The following TP63 variants were observed in gnomAD, a reference collection of about 807,000 sequenced individuals.
The protein encoded by TP63 is tumor protein 63.
Under a neutral mutation model 82.8 loss-of-function variants are expected in TP63, and 17 were observed. The observed-to-expected ratio is 0.21, with a 90% CI of 0.14 to 0.31. The LOEUF (loss-of-function observed/expected upper bound fraction) is 0.31. TP63 is among the 10% of genes least tolerant of loss of function. The probability of loss-of-function intolerance (pLI) is 1.00; values close to 1 mark genes in which losing one functional copy is unlikely to be tolerated. For missense variants in TP63, 648 were observed against 895.3 expected (o/e 0.72, Z 3.52); for synonymous variants, 330 against 321.7 (o/e 1.03, Z -0.28).
chr3:189,848,381 C>CT (rs11333114), intron 4 of TP63, among the ~76,000 whole-genome samples: 81 of 143,968 alleles, frequency 5.6e-4, no homozygotes, highest in Middle Eastern at 3.6e-3. Context: ...CCATACCTGG[C>CT]TTTTTTTTTT....
chr3:189,695,665 T>A (rs1288161504), intron 1 of TP63, among the ~76,000 whole-genome samples: 2 of 152,220 alleles, frequency 1.3e-5, no homozygotes, highest in African/African-American at 4.8e-5. Flanking sequence ...TTTCTCCAAC[T>A]TTTATTCAAC....
At chr3:189,700,518 T>C (rs1717724174) in intron 1 of TP63, among the ~76,000 whole-genome samples, 1 of 152,172 alleles carries the variant, frequency 6.6e-6, no homozygotes, top group Non-Finnish European at 1.5e-5. Context: ...TACATGGTAA[T>C]TTCCTAGTTG....
intron 3 of TP63, among the ~76,000 whole-genome samples, chr3:189,765,313 TC>T (rs1722857123): frequency 6.6e-6 from 1 of 151,702 alleles, no homozygotes; most frequent in Non-Finnish European, 1.5e-5. Context: ...ATTGTTTTTT[TC>T]CCCCCTGAGA....
intron 9 of TP63, 67 bp from the exon 10 acceptor site, chr3:189,872,792 T>C: frequency 1.2e-6 from 2 of 1,608,078 alleles, no homozygotes; most frequent in East Asian, 4.5e-5. Flanking sequence ...ATAATGAGGA[T>C]TGACCACACT....
At chr3:189,680,644 A>T (rs1322310672) in intron 1 of TP63, among the ~76,000 whole-genome samples, 2 of 152,214 alleles carry the variant, frequency 1.3e-5, no homozygotes, top group Non-Finnish European at 2.9e-5. Context: ...GCAAATCAAT[A>T]TATGTGACAT....
intron 1 of TP63, among the ~76,000 whole-genome samples, chr3:189,687,270 T>A (rs1475041834): frequency 6.6e-6 from 1 of 152,198 alleles, no homozygotes. Flanking sequence ...TACATAGTTT[T>A]GCTATTTTCT....
intron 1 of TP63, among the ~76,000 whole-genome samples, chr3:189,718,274 A>T (rs982835919): frequency 6.7e-6 from 1 of 149,434 alleles, no homozygotes; most frequent in African/African-American, 2.5e-5. Flanking sequence ...CTGATGTATT[A>T]GTTTGTTTTC....
chr3:189,609,204 A>G, the TP63 span, among the ~76,000 whole-genome samples: 4 of 152,138 alleles, frequency 2.6e-5, no homozygotes, highest in Non-Finnish European at 5.9e-5. Context: ...CTTTCCATGT[A>G]TGGGTGATGG....
intron 10 of TP63, chr3:189,880,639 G>A (rs1287347232): frequency 1.0e-6 from 1 of 985,520 alleles, no homozygotes; most frequent in East Asian, 1.1e-4. Context: ...GCATAAGTAA[G>A]TTGTAGGTGA....
intron 1 of TP63, among the ~76,000 whole-genome samples, chr3:189,714,598 A>G (rs1375082455): frequency 6.6e-6 from 1 of 152,134 alleles, no homozygotes; most frequent in Non-Finnish European, 1.5e-5. Context: ...TCAAGACTGT[A>G]TCTCTCACTG....
At chr3:189,664,405 G>A (rs1035572840) in intron 1 of TP63, among the ~76,000 whole-genome samples, 1 of 152,062 alleles carries the variant, frequency 6.6e-6, no homozygotes, top group African/African-American at 2.4e-5. Context: ...AGCTAGAGAT[G>A]GTCGGTCTTT....
intron 1 of TP63, among the ~76,000 whole-genome samples, chr3:189,727,304 A>C (rs1719841970): frequency 6.6e-6 from 1 of 152,222 alleles, no homozygotes; most frequent in African/African-American, 2.4e-5. Context: ...AATTGAGAAA[A>C]GGTTGAAGGC....
chr3:189,772,917 CT>C (rs1723483265), intron 3 of TP63, among the ~76,000 whole-genome samples: 1 of 152,158 alleles, frequency 6.6e-6, no homozygotes. Context: ...CACTTAGTGT[CT>C]TTTATCTGAG....
chr3:189,881,365 C>T, intron 10 of TP63: 1 of 985,204 alleles, frequency 1.0e-6, no homozygotes. Flanking sequence ...AATGTTCCTC[C>T]CCTCCATCTT....
chr3:189,667,332 G>A (rs1714493185), intron 1 of TP63, among the ~76,000 whole-genome samples: 1 of 151,768 alleles, frequency 6.6e-6, no homozygotes, highest in Admixed American at 6.6e-5. Flanking sequence ...CCGCCACCAC[G>A]CCTGGCCAAT....
chr3:189,869,576 G>A (rs1718160067), intron 9 of TP63, among the ~76,000 whole-genome samples, 170 bp downstream of exon 9: 1 of 152,156 alleles, frequency 6.6e-6, no homozygotes, highest in Non-Finnish European at 1.5e-5. Flanking sequence ...AACAACAGAA[G>A]TTTATTTTCT....
At chr3:189,646,778 A>T (rs1233864526) in intron 1 of TP63, among the ~76,000 whole-genome samples, 1 of 147,344 alleles carries the variant, frequency 6.8e-6, no homozygotes, top group Admixed American at 6.7e-5. Flanking sequence ...AAAGCAAATA[A>T]ATCTGGTTTG....
At chr3:189,604,669 C>T in the TP63 span, among the ~76,000 whole-genome samples, 3 of 152,144 alleles carry the variant, frequency 2.0e-5, no homozygotes. Flanking sequence ...GTTTAGGTTG[C>T]CGGGAGAGGG....
intron 1 of TP63, among the ~76,000 whole-genome samples, chr3:189,674,401 C>A (rs1297843473): frequency 1.3e-5 from 2 of 151,932 alleles, no homozygotes; most frequent in African/African-American, 4.8e-5. Context: ...GAACTTTGGT[C>A]CTGGTAATTT....
Sources: allele counts gnomAD v4.1 joint callset (sites outside exome capture counted in the v4.1 genomes callset), GRCh38; gene constraint gnomAD v4.1.1; transcripts MANE v1.5; gene names NCBI Gene and HGNC (gene_info 2026-07-23, HGNC 2026-07-21).